COL4A1: variants seen among roughly 807,000 people sequenced by gnomAD.
COL4A1 encodes collagen alpha-1(IV) chain.
A neutral mutation model predicts 216.6 loss-of-function variants in COL4A1; 40 were observed. The ratio of observed to expected loss-of-function variants is 0.18; its 90% CI spans 0.14 to 0.24. COL4A1 has a LOEUF of 0.24. Among genes scored for constraint, COL4A1 ranks in the 10% least tolerant of loss-of-function variants. The pLI is 1.00. For missense variants in COL4A1, 1,628 were observed against 2,196.8 expected (o/e 0.74, Z 5.18); for synonymous variants, 839 against 810.7 (o/e 1.03, Z -0.59).
chr13:110,177,065 A>AGT, intron 33 of COL4A1, 28 bp from the exon 34 acceptor site: 1 of 1,612,254 alleles, frequency 6.2e-7, no homozygotes, highest in Non-Finnish European at 8.5e-7. Flanking sequence ...GGCACTGGTG[A>AGT]GCCTGGGCCA....
chr13:110,182,950 G>C, intron 28 of COL4A1, 43 bp downstream of exon 28: 1 of 1,561,488 alleles, frequency 6.4e-7, no homozygotes, highest in Non-Finnish European at 8.7e-7. Flanking sequence ...TCTCACAGAA[G>C]TCACAGGTGG....
chr13:110,179,530 A>G, intron 29 of COL4A1, 109 bp from the exon 30 acceptor site: 1 of 1,497,732 alleles, frequency 6.7e-7, no homozygotes, highest in Non-Finnish European at 9.3e-7. Context: ...GCATTTAGTA[A>G]GAATATTATC....
intron 28 of COL4A1, among the ~76,000 whole-genome samples, chr13:110,181,860 T>A (rs922938665): frequency 3.3e-5 from 5 of 152,212 alleles, no homozygotes; most frequent in African/African-American, 7.2e-5. Context: ...GCCCACTGTC[T>A]GGGCCCCGCT....
At chr13:110,287,190 T>C (rs991737370) in intron 1 of COL4A1, among the ~76,000 whole-genome samples, 2 of 152,192 alleles carry the variant, frequency 1.3e-5, no homozygotes, top group South Asian at 4.1e-4. Context: ...TTCCCCACTA[T>C]GTGTCAGAGG....
rs562018624 is a variant in COL4A1 at position 110,190,469 on chromosome 13, A to T, written c.1536+1745T>A. ...GCTCAGACCAACCTGGGCATCATCAATCCGCTCGGGGAGTCGGCCTTTTGT... is the reference window on the plus strand; with the variant it reads ...GCTCAGACCAACCTGGGCATCATCATTCCGCTCGGGGAGTCGGCCTTTTGT... On this transcript the variant is annotated intron_variant, in intron 24 of 51. Transcript: ENST00000375820. Among the ~76,000 whole-genome samples, 3 of 152,280 alleles carry T rather than the reference A, an allele frequency of 2.0e-5. No homozygotes were observed. The South Asian group carries it at 6.2e-4, about 32-fold the overall frequency.
intron 2 of COL4A1, among the ~76,000 whole-genome samples, chr13:110,232,980 A>G (rs982219540): frequency 2.0e-5 from 3 of 151,866 alleles, no homozygotes; most frequent in Non-Finnish European, 4.4e-5. Flanking sequence ...TGTGCAGCTC[A>G]CTCTCCCTGT....
At chr13:110,289,502 G>A (rs1003471512) in intron 1 of COL4A1, among the ~76,000 whole-genome samples, 1 of 152,126 alleles carries the variant, frequency 6.6e-6, no homozygotes, top group Admixed American at 6.5e-5. Flanking sequence ...ACCTTCTCAG[G>A]AAGCTCTTTG....
chr13:110,159,125 T>A (rs554364457), intron 49 of COL4A1, among the ~76,000 whole-genome samples: 6 of 152,196 alleles, frequency 3.9e-5, no homozygotes, highest in Non-Finnish European at 8.8e-5. Context: ...CAGTTTTCCA[T>A]CTTACTTCCT....
chr13:110,271,594 C>T lies in COL4A1; in HGVS notation c.85-28860G>A, dbSNP rs1246017685. 3.3e-5 allele frequency among the ~76,000 whole-genome samples: 5 copies of T among 152,282 alleles called. No homozygotes were observed. In the East Asian group the frequency reaches 7.7e-4, roughly 23 times the overall value. ...CCAGGACTCGCCAAGGTCACCCCTG[C>T]CAGCCCCCGCCCTGACCCACATACA... On this transcript the variant is annotated intron_variant, in intron 1 of 51. Transcript: ENST00000375820.
intron 44 of COL4A1, among the ~76,000 whole-genome samples, chr13:110,166,570 T>G (rs1446155623): frequency 6.6e-6 from 1 of 152,198 alleles, no homozygotes; most frequent in Non-Finnish European, 1.5e-5. Context: ...AAATTTCCAA[T>G]TTATCTTCAA....
intron 17 of COL4A1, 33 bp from the exon 18 acceptor site, chr13:110,203,640 T>C (rs200343791): frequency 1.2e-6 from 2 of 1,611,586 alleles, no homozygotes; most frequent in East Asian, 4.5e-5. Context: ...CCTTGCATAT[T>C]CTTACTATAA....
chr13:110,204,755 C>T (rs550856113), intron 17 of COL4A1, among the ~76,000 whole-genome samples: 1 of 151,602 alleles, frequency 6.6e-6, no homozygotes, highest in South Asian at 2.1e-4. Context: ...AAACAAGTGT[C>T]TGACTGTGGA....
chr13:110,189,343 G>T (rs552855292), intron 24 of COL4A1, among the ~76,000 whole-genome samples: 1 of 152,204 alleles, frequency 6.6e-6, no homozygotes, highest in African/African-American at 2.4e-5. Context: ...GATTTCAGGC[G>T]TGAGCCACCG....
intron 1 of COL4A1, among the ~76,000 whole-genome samples, chr13:110,272,894 A>G (rs1353233626): frequency 6.6e-6 from 1 of 152,160 alleles, no homozygotes; most frequent in Non-Finnish European, 1.5e-5. Flanking sequence ...GCCCATGGAA[A>G]CTGATAAGGG....
chr13:110,237,900 T>C (rs567916912), intron 2 of COL4A1, among the ~76,000 whole-genome samples: 25 of 152,326 alleles, frequency 1.6e-4, no homozygotes, highest in Middle Eastern at 3.4e-3. Flanking sequence ...AGCTCAGCCA[T>C]ACACGACATT....
chr13:110,155,431 G>A, intron 49 of COL4A1, 34 bp from the exon 50 acceptor site: 1 of 1,543,332 alleles, frequency 6.5e-7, no homozygotes, highest in East Asian at 2.3e-5. Flanking sequence ...AGCACAGCCG[G>A]GGTGCAGGGC....
At position 110,167,183 on chromosome 13, in the gene COL4A1, C is replaced by T; in HGVS notation, c.3924G>A (p.Gly1308=). ...PGITGSKGDM[G]PPGVPGFQGP... is the part of the protein sequence containing the mutation. ...CTTGAAATCCTGGAACTCCTGGAGGCCCCATATCACCCTTAGAGCCTGTGA... is the reference window on the plus strand; with the variant it reads ...CTTGAAATCCTGGAACTCCTGGAGGTCCCATATCACCCTTAGAGCCTGTGA... The change falls in exon 44 of 52, where the codon GGG becomes GGA. Residue 1308 remains glycine, a synonymous_variant. Transcript: ENST00000375820. The T allele has an allele frequency of 6.2e-7, 1 of 1,613,998 alleles. No individual in the cohort carries two copies. Among genetic ancestry groups the T allele is most frequent in the Non-Finnish European group, 8.5e-7 (1 of 1,179,882 alleles).
chr13:110,295,258 CTTTTT>C (rs67516756), intron 1 of COL4A1, among the ~76,000 whole-genome samples: 6 of 135,594 alleles, frequency 4.4e-5, no homozygotes, highest in African/African-American at 1.3e-4. Flanking sequence ...TTCTTTCTTT[CTTTTT>C]TTTTTTTTTT....
Position 110,181,356 on chromosome 13 carries a change from G to C in COL4A1, c.2129C>G (p.Pro710Arg). The C allele has an allele frequency of 6.2e-7, 1 of 1,613,808 alleles. No homozygotes were observed. The highest frequency in any genetic ancestry group is 1.1e-5 in the South Asian group (1 of 91,034). The change falls in exon 29 of 52, where the codon CCG (proline) becomes CGG (arginine). Residue 710 changes from proline to arginine, a missense_variant. Physicochemically the swap from Pro to Arg is moderately radical, Grantham distance 103 (BLOSUM62 -2). Around this residue, in one of 8 missense-constraint regions of COL4A1, gnomAD observed 701 missense variants for 892.5 expected, o/e 0.79. Coordinates refer to ENST00000375820, the MANE Select transcript of COL4A1 (RefSeq NM_001845.6). The stretch of plus-strand genomic sequence containing the variant: ...AAATCCCGGGCGACCTGGAGTCCCC[G>C]GTGGCCCCATGTCTCCAGGTAAGCC... ...VDGLPGDMGP[P>R]GTPGRPGFNG...
Sources: allele counts gnomAD v4.1 joint callset (sites outside exome capture counted in the v4.1 genomes callset), GRCh38; gene constraint gnomAD v4.1.1; regional missense constraint gnomAD v4.1.1; transcripts MANE v1.5; gene names NCBI Gene and HGNC (gene_info 2026-07-23, HGNC 2026-07-21).